Variants in PLCL1 observed in about 807,000 individuals in gnomAD.
The protein encoded by PLCL1 is inactive phospholipase C-like protein 1.
Under a neutral mutation model 84.4 loss-of-function variants are expected in PLCL1, and 41 were observed. That is an observed-to-expected ratio of 0.49 (90% confidence interval 0.38 to 0.63). The LOEUF (loss-of-function observed/expected upper bound fraction) is 0.63, where lower values mean the gene tolerates loss of function less well. Among genes scored for constraint, PLCL1 ranks in the 30% least tolerant of loss-of-function variants. The probability of loss-of-function intolerance (pLI) is 0.00; values close to 1 mark genes in which losing one functional copy is unlikely to be tolerated. For synonymous variants in PLCL1, 490 were observed against 488.3 expected (o/e 1.00, Z -0.05); for missense variants, 1,206 against 1,367.8 (o/e 0.88, Z 1.87).
chr2:198,099,767 G>A (rs1693286735), intron 3 of PLCL1, among the ~76,000 whole-genome samples: 1 of 152,072 alleles, frequency 6.6e-6, no homozygotes, highest in African/African-American at 2.4e-5. Context: ...TATTTACTTG[G>A]GGGCTTTTGA....
intron 5 of PLCL1, among the ~76,000 whole-genome samples, chr2:198,130,516 A>T (rs926428299): frequency 1.3e-5 from 2 of 151,926 alleles, no homozygotes; most frequent in African/African-American, 4.8e-5. Context: ...TCATCCTCCC[A>T]TATAGTTTAT....
intron 1 of PLCL1, among the ~76,000 whole-genome samples, chr2:198,069,382 G>A (rs1016411687): frequency 2.6e-5 from 4 of 151,904 alleles, no homozygotes; most frequent in African/African-American, 9.7e-5. Context: ...TCAGCCACTT[G>A]GGAGGCTGAG....
chr2:197,927,781 T>C (rs1482280707), intron 1 of PLCL1, among the ~76,000 whole-genome samples: 1 of 152,182 alleles, frequency 6.6e-6, no homozygotes, highest in East Asian at 1.9e-4. Context: ...ATGAAATAAT[T>C]TGAGTGTCAA....
At chr2:197,868,495 A>T (rs1231454718) in intron 1 of PLCL1, among the ~76,000 whole-genome samples, 1 of 152,080 alleles carries the variant, frequency 6.6e-6, no homozygotes, top group Non-Finnish European at 1.5e-5. Context: ...GTTTGTTTTT[A>T]AAAAATTTTA....
At chr2:197,922,013 TTTTTA>T (rs1224136854) in intron 1 of PLCL1, among the ~76,000 whole-genome samples, 3 of 147,988 alleles carry the variant, frequency 2.0e-5, no homozygotes, top group Admixed American at 6.7e-5. Flanking sequence ...TTTTTTTTTT[TTTTTA>T]AATTTATTTT....
At position 198,147,201 on chromosome 2, in the gene PLCL1, A is replaced by AGT; in HGVS notation, c.*240_*241insTG. The AGT allele has an allele frequency of 6.0e-6, 1 of 167,122 alleles. No individual in the cohort carries two copies. The highest frequency in any genetic ancestry group is 6.0e-5 in the African/African-American group (1 of 16,764). 10.4% of individuals were successfully genotyped at this position (167,122 alleles called of 1,614,324 possible). The stretch of plus-strand genomic sequence containing the variant: ...ACACCCCTGTGTGGATGCCTGTGGA[A>AGT]GAGTGTGTGTGTGTGTGTGTGTGTG... On this transcript the variant is annotated 3_prime_UTR_variant, in exon 6 of 6. Coordinates refer to ENST00000428675, the MANE Select transcript of PLCL1 (RefSeq NM_006226.4).
At chr2:198,031,139 G>A (rs1374383240) in intron 1 of PLCL1, among the ~76,000 whole-genome samples, 1 of 148,560 alleles carries the variant, frequency 6.7e-6, no homozygotes, top group Non-Finnish European at 1.5e-5. Context: ...GTGAGGTGGA[G>A]ACAGGAGGAT....
intron 1 of PLCL1, among the ~76,000 whole-genome samples, chr2:197,997,392 G>A (rs190990081): frequency 6.6e-6 from 1 of 152,346 alleles, no homozygotes; most frequent in Non-Finnish European, 1.5e-5. Flanking sequence ...GGTTTCTTGT[G>A]ATCTGCTGAG....
intron 1 of PLCL1, among the ~76,000 whole-genome samples, chr2:197,924,136 G>GAGAGGGAGA (rs1258909231): frequency 3.3e-5 from 3 of 90,310 alleles, no homozygotes; most frequent in African/African-American, 1.2e-4. Flanking sequence ...GGGAGACCGT[G>GAGAGGGAGA]GGGAGAGGGA....
At chr2:198,000,541 G>T (rs959745079) in intron 1 of PLCL1, among the ~76,000 whole-genome samples, 2 of 152,078 alleles carry the variant, frequency 1.3e-5, no homozygotes, top group African/African-American at 4.8e-5. Context: ...AAAGTGTTTT[G>T]CCATTTAATA....
chr2:197,972,150 T>G (rs1457253395), intron 1 of PLCL1, among the ~76,000 whole-genome samples: 1 of 152,214 alleles, frequency 6.6e-6, no homozygotes, highest in Non-Finnish European at 1.5e-5. Flanking sequence ...AATGCTTTTG[T>G]AAGATTATAG....
At chr2:197,931,588 T>C (rs1688932308) in intron 1 of PLCL1, among the ~76,000 whole-genome samples, 2 of 122,324 alleles carry the variant, frequency 1.6e-5, no homozygotes, top group Non-Finnish European at 3.4e-5. Flanking sequence ...GATGGCCTTA[T>C]TGAGTATGAT....
intron 1 of PLCL1, among the ~76,000 whole-genome samples, chr2:197,915,993 CAT>C (rs1285265205): frequency 6.6e-6 from 1 of 152,174 alleles, no homozygotes; most frequent in Non-Finnish European, 1.5e-5. Flanking sequence ...GCCTGGTAGG[CAT>C]ATGTCTGTGA....
At chr2:198,137,750 C>G (rs572458745) in intron 5 of PLCL1, among the ~76,000 whole-genome samples, 1 of 152,182 alleles carries the variant, frequency 6.6e-6, no homozygotes, top group East Asian at 1.9e-4. Context: ...GCAATACATT[C>G]TTTTCCCTCA....
intron 1 of PLCL1, among the ~76,000 whole-genome samples, chr2:197,872,821 C>A (rs1484167635): frequency 3.3e-5 from 5 of 152,056 alleles, no homozygotes; most frequent in African/African-American, 1.2e-4. Context: ...GGAAAGAAGA[C>A]AATAACTACA....
chr2:197,877,462 C>T (rs1450844482), intron 1 of PLCL1, among the ~76,000 whole-genome samples: 1 of 152,076 alleles, frequency 6.6e-6, no homozygotes, highest in Non-Finnish European at 1.5e-5. Flanking sequence ...GAAATATCTC[C>T]TGGAAGTGAT....
At chr2:198,044,736 C>T (rs1691747139) in intron 1 of PLCL1, among the ~76,000 whole-genome samples, 2 of 152,116 alleles carry the variant, frequency 1.3e-5, no homozygotes, top group African/African-American at 4.8e-5. Flanking sequence ...AAAAATTGCT[C>T]TTAATCTCAA....
chr2:197,876,179 T>C (rs1687728992), intron 1 of PLCL1, among the ~76,000 whole-genome samples: 1 of 152,110 alleles, frequency 6.6e-6, no homozygotes, highest in Admixed American at 6.6e-5. Flanking sequence ...GAGCATTGGG[T>C]ATTGTGCCTG....
intron 1 of PLCL1, among the ~76,000 whole-genome samples, chr2:197,972,450 A>G (rs987046229): frequency 6.6e-6 from 1 of 152,200 alleles, no homozygotes; most frequent in East Asian, 1.9e-4. Context: ...GTTCAATTAC[A>G]TGTCTGACAG....
Sources: gnomAD v4.1 joint callset for allele counts (sites outside exome capture counted in the v4.1 genomes callset) on GRCh38, gnomAD v4.1.1 for gene constraint, MANE v1.5 for transcripts, NCBI Gene and HGNC (gene_info 2026-07-23, HGNC 2026-07-21) for gene names.